Variants in RERE observed in about 807,000 individuals in gnomAD.
The protein encoded by RERE is arginine-glutamic acid dipeptide repeats protein.
Under a neutral mutation model 146.1 loss-of-function variants are expected in RERE, and 40 were observed. The observed-to-expected ratio is 0.27, with a 90% CI of 0.21 to 0.36. RERE has a LOEUF of 0.36. Among genes scored for constraint, RERE ranks in the 10% least tolerant of loss-of-function variants. The probability of loss-of-function intolerance (pLI) is 1.00; values close to 1 mark genes in which losing one functional copy is unlikely to be tolerated. For missense variants in RERE, 1,933 were observed against 2,138.7 expected, an observed-to-expected ratio of 0.90 and a Z score of 1.90; for synonymous variants, 1,003 against 866.0, an observed-to-expected ratio of 1.16 and a Z score of -2.78.
At position 8,469,361 on chromosome 1, in the gene RERE, G is replaced by A. The variant is rs545436035; in HGVS notation, c.1105-3338C>T. Among the ~76,000 whole-genome samples, 61 of 152,344 alleles carry A rather than the reference G, an allele frequency of 4.0e-4. No homozygotes were observed. In the South Asian group the frequency reaches 0.012, roughly 31 times the overall value. Reference sequence around the variant, plus strand: ...TGGCTGGGCGCGGTGGCTCACGCCTGTAATCCCAGCACTCTGGGAGGCTGA... The same window carrying A: ...TGGCTGGGCGCGGTGGCTCACGCCTATAATCCCAGCACTCTGGGAGGCTGA... On this transcript the variant is annotated intron_variant, in intron 10 of 22. Transcript: ENST00000400908.
intron 1 of RERE, among the ~76,000 whole-genome samples, chr1:8,734,001 G>A (rs965015169): frequency 6.6e-6 from 1 of 150,394 alleles, no homozygotes; most frequent in Non-Finnish European, 1.5e-5. Flanking sequence ...TACTCTACTC[G>A]GGAGGCTGAT....
intron 1 of RERE, among the ~76,000 whole-genome samples, chr1:8,665,572 G>A (rs1343167981): frequency 1.3e-5 from 2 of 152,186 alleles, no homozygotes; most frequent in African/African-American, 2.4e-5. Context: ...ATAAGGAGAC[G>A]CAAAGAGAAG....
chr1:8,413,347 T>TTTG lies in RERE; in HGVS notation c.1284+9377_1284+9379dup, dbSNP rs891031772. Among the ~76,000 whole-genome samples the TTTG allele has an allele frequency of 3.9e-5, 6 of 151,978 alleles. No homozygotes were observed. The South Asian group carries it at 6.2e-4, about 16-fold the overall frequency. Reference sequence around the variant, plus strand: ...AATAAAATAAATTTTAATTTTGTTTTTTGTTGTTGTTGTTGTTTTTGAGAC... The same window carrying TTTG: ...AATAAAATAAATTTTAATTTTGTTTTTTGTTGTTGTTGTTGTTGTTTTTGAGAC... On this transcript the variant is annotated intron_variant, in intron 12 of 22. Transcript: ENST00000400908.
At chr1:8,709,122 G>A (rs1048939683) in intron 1 of RERE, among the ~76,000 whole-genome samples, 9 of 151,636 alleles carry the variant, frequency 5.9e-5, no homozygotes, top group Non-Finnish European at 7.4e-5. Flanking sequence ...GCGTTTCACC[G>A]TGTTAGCCAG....
intron 1 of RERE, among the ~76,000 whole-genome samples, chr1:8,749,308 A>G (rs1276766631): frequency 6.6e-6 from 1 of 152,152 alleles, no homozygotes; most frequent in East Asian, 1.9e-4. Context: ...GGAGTTTATT[A>G]TATTCTGAGA....
chr1:8,616,927 C>T (rs1338401820), intron 3 of RERE, among the ~76,000 whole-genome samples: 1 of 152,188 alleles, frequency 6.6e-6, no homozygotes, highest in African/African-American at 2.4e-5. Flanking sequence ...AGGTTGACAT[C>T]AGTATCATGC....
At chr1:8,410,238 G>A (rs1255027163) in intron 12 of RERE, among the ~76,000 whole-genome samples, 2 of 152,124 alleles carry the variant, frequency 1.3e-5, no homozygotes, top group Non-Finnish European at 2.9e-5. Context: ...CACGGCTGGG[G>A]CCATTGTTGC....
chr1:8,638,708 A>G (rs867138198), intron 2 of RERE, among the ~76,000 whole-genome samples: 15 of 151,976 alleles, frequency 9.9e-5, no homozygotes, highest in Admixed American at 2.6e-4. Context: ...ACATTTTTCA[A>G]TTTTATTCCT....
chr1:8,687,737 G>A (rs1639122538), intron 1 of RERE, among the ~76,000 whole-genome samples: 1 of 152,178 alleles, frequency 6.6e-6, no homozygotes, highest in Admixed American at 6.5e-5. Flanking sequence ...GGAGTCATCA[G>A]TCATTGAAGG....
rs1319336696 is a variant in RERE, at chr1:8,508,678, G to A, written c.831-3C>T. ...CCCCCTGGGTACTGTTCAGCCTCCT[G>A]GAACAGAAATAGAGCAGATTAAGTT... On this transcript the variant is annotated splice_polypyrimidine_tract_variant and splice_region_variant and intron_variant, in intron 7 of 22. Coordinates refer to ENST00000400908, the MANE Select transcript of RERE (RefSeq NM_001042681.2). 6.2e-7 allele frequency: 1 copy of A among 1,611,204 alleles called. No individual in the cohort carries two copies. The highest frequency in any genetic ancestry group is 1.1e-5 in the South Asian group (1 of 90,876).
At chr1:8,427,790 C>G (rs1462359901) in intron 11 of RERE, among the ~76,000 whole-genome samples, 2 of 152,058 alleles carry the variant, frequency 1.3e-5, no homozygotes, top group Admixed American at 1.3e-4. Context: ...GTAGAGTAGC[C>G]CTGAAAATCG....
At chr1:8,372,041 C>T (rs138153571) in intron 12 of RERE, among the ~76,000 whole-genome samples, 113 of 152,336 alleles carry the variant, frequency 7.4e-4, no homozygotes, top group Middle Eastern at 6.8e-3. Context: ...TGGAATGCTA[C>T]GGGAAGAGAA....
chr1:8,355,739 C>T (rs754004537), intron 21 of RERE, 140 bp from the exon 22 acceptor site: 8 of 748,968 alleles, frequency 1.1e-5, no homozygotes, highest in Admixed American at 1.0e-4. Flanking sequence ...CCAGACTCTG[C>T]AGACAGCCAG....
chr1:8,738,467 T>G (rs554750522), intron 1 of RERE, among the ~76,000 whole-genome samples: 2 of 152,040 alleles, frequency 1.3e-5, no homozygotes, highest in East Asian at 3.9e-4. Flanking sequence ...ATTACAGGCA[T>G]GAGCCACCAC....
chr1:8,386,018 A>ATTT (rs1428623957), intron 12 of RERE, among the ~76,000 whole-genome samples: 8 of 41,900 alleles, frequency 1.9e-4, no homozygotes, highest in African/African-American at 3.0e-4. Context: ...ATATATATAT[A>ATTT]TATATTTTTT....
At chr1:8,617,650 A>C (rs190623590) in intron 3 of RERE, among the ~76,000 whole-genome samples, 440 of 152,252 alleles carry the variant, frequency 2.9e-3, no homozygotes, top group African/African-American at 9.9e-3. Context: ...CAAAAACAAA[A>C]ACAGAAACAA....
chr1:8,732,712 A>G (rs1380046127), intron 1 of RERE, among the ~76,000 whole-genome samples: 1 of 151,622 alleles, frequency 6.6e-6, no homozygotes, highest in Admixed American at 6.6e-5. Flanking sequence ...AGCCACACTC[A>G]TGCAAGATGT....
At chr1:8,492,531 G>C (rs911194860) in intron 10 of RERE, among the ~76,000 whole-genome samples, 1 of 152,034 alleles carries the variant, frequency 6.6e-6, no homozygotes, top group Non-Finnish European at 1.5e-5. Flanking sequence ...TCTGAGACAG[G>C]AGGATTACTT....
chr1:8,611,367 G>C (rs1463104490), intron 4 of RERE, among the ~76,000 whole-genome samples: 2 of 151,434 alleles, frequency 1.3e-5, no homozygotes, highest in Admixed American at 1.3e-4. Flanking sequence ...AGCCAGGTGT[G>C]GTAGCCCACA....
Sources: allele counts gnomAD v4.1 joint callset (sites outside exome capture counted in the v4.1 genomes callset), GRCh38; gene constraint gnomAD v4.1.1; transcripts MANE v1.5; gene names NCBI Gene and HGNC (gene_info 2026-07-23, HGNC 2026-07-21).